Variants in G2E3 observed in about 807,000 individuals in gnomAD.
The protein encoded by G2E3 is G2/M-phase specific E3 ubiquitin protein ligase, also known as G2/M phase-specific E3 ubiquitin-protein ligase.
G2E3 carries 35 observed loss-of-function variants against 92.8 expected under a neutral mutation model. That is an observed-to-expected ratio of 0.38 (90% confidence interval 0.29 to 0.50). The LOEUF is 0.50. G2E3 is among the 20% of genes least tolerant of loss of function. The pLI is 0.94. For missense variants in G2E3, 554 were observed against 823.8 expected (o/e 0.67, Z 4.01); for synonymous variants, 242 against 272.4 (o/e 0.89, Z 1.10).
Position 30,601,848 on chromosome 14 carries a change from G to A in G2E3, c.831G>A (p.Glu277=), listed in dbSNP as rs574903723. Reference sequence around the variant, plus strand: ...CCTGCTCCTCATTACGGTCATGGGAGCAAAATTGGGAGTGTTTGGAATGTA... The same window carrying A: ...CCTGCTCCTCATTACGGTCATGGGAACAAAATTGGGAGTGTTTGGAATGTA... The part of the protein sequence containing the change: ...HLACSSLRSW[E]QNWECLECRG... Residue 277 remains glutamate, a synonymous_variant, in exon 9 of 15, where the codon GAG becomes GAA. Transcript: ENST00000206595. 1 of 1,613,874 alleles carries A rather than the reference G, an allele frequency of 6.2e-7. No homozygotes were observed. The highest frequency in any genetic ancestry group is 1.3e-5 in the African/African-American group (1 of 75,034).
intron 5 of G2E3, 66 bp from the exon 6 acceptor site, chr14:30,593,408 T>C (rs1271987314): frequency 1.2e-5 from 9 of 723,336 alleles, no homozygotes; most frequent in Admixed American, 1.1e-4. Flanking sequence ...TATATGTGAA[T>C]TACAGTGTTT....
In G2E3 at chr14:30,589,336, C is replaced by G. The variant is rs771447296; in HGVS notation, c.136-47C>G. On this transcript the variant is annotated intron_variant, in intron 3 of 14. Coordinates refer to ENST00000206595, the MANE Select transcript of G2E3 (RefSeq NM_017769.5). ...TATGGATATATATTTTTTTAATGCC[C>G]AACTAGTTTCTTAGAGTTTATTTTC... The G allele has an allele frequency of 9.4e-6, 10 of 1,059,862 alleles. No individual in the cohort carries two copies. In the African/African-American group the frequency reaches 1.1e-4, roughly 12 times the overall value. 65.7% of individuals were successfully genotyped at this position (1,059,862 alleles called of 1,614,324 possible).
Position 30,602,039 on chromosome 14 carries a change from T to C in G2E3, c.918T>C (p.Ser306=), listed in dbSNP as rs1881593540. Residue 306 remains serine (S), a synonymous_variant, in exon 10 of 15, where the codon TCT becomes TCC. Transcript: ENST00000206595. ...CCAAAAAACATGTATTACCCAATTC[T>C]AATAATGTGGGGATTACAGATTGTT... ...QKAKKHVLPN[S]NNVGITDCLL... 3.1e-6 allele frequency: 5 copies of C among 1,610,834 alleles called. No homozygotes were observed. Among genetic ancestry groups the C allele is most frequent in the South Asian group, 1.1e-5 (1 of 90,924 alleles).
At chr14:30,610,888 T>C (rs1378907779) in intron 12 of G2E3, among the ~76,000 whole-genome samples, 1 of 152,268 alleles carries the variant, frequency 6.6e-6, no homozygotes, top group African/African-American at 2.4e-5. Flanking sequence ...CATTTGCTAC[T>C]GATCTGACTG....
chr14:30,559,701 G>A (rs1187174207), intron 1 of G2E3: 1 of 152,176 alleles, frequency 6.6e-6, no homozygotes, highest in African/African-American at 2.4e-5. Context: ...GTTGGGGCGG[G>A]TTTAGAATGA....
At chr14:30,573,696 A>G (rs1263889619) in intron 1 of G2E3, 1 of 152,068 alleles carries the variant, frequency 6.6e-6, no homozygotes. Flanking sequence ...TCAGACAGCA[A>G]ATTTAACCTT....
At chr14:30,580,550 TTGA>T (rs1022250757) in intron 1 of G2E3, among the ~76,000 whole-genome samples, 2 of 152,202 alleles carry the variant, frequency 1.3e-5, no homozygotes, top group African/African-American at 4.8e-5. Context: ...GGCATGGCTA[TTGA>T]TGATGTGATT....
Position 30,592,374 on chromosome 14 carries a change from C to A in G2E3, c.289C>A (p.Arg97=). ...NGASIGCVAP[R]CKRSYHFPCG... ...TGCTTCAATTGGATGTGTTGCACCC[C>A]GATGTAAACGAAGTTATCATTTCCC... Residue 97 remains arginine (R), a synonymous_variant, in exon 5 of 15, where the codon CGA becomes AGA. Transcript: ENST00000206595. The A allele has an allele frequency of 6.2e-7, 1 of 1,608,360 alleles. No homozygotes were observed. Among genetic ancestry groups the A allele is most frequent in the Non-Finnish European group, 8.5e-7 (1 of 1,176,884 alleles).
intron 1 of G2E3, among the ~76,000 whole-genome samples, chr14:30,576,179 C>G (rs1880076893): frequency 6.6e-6 from 1 of 152,126 alleles, no homozygotes; most frequent in Non-Finnish European, 1.5e-5. Flanking sequence ...GCACATAGAC[C>G]AGTGGAACAG....
At chr14:30,571,066 G>A (rs188911178) in intron 1 of G2E3, among the ~76,000 whole-genome samples, 30 of 151,782 alleles carry the variant, frequency 2.0e-4, no homozygotes, top group Non-Finnish European at 1.5e-5. Flanking sequence ...TTTCTCCTCT[G>A]TGTTTTTTCT....
intron 1 of G2E3, among the ~76,000 whole-genome samples, chr14:30,563,800 A>G (rs1458077131): frequency 6.7e-6 from 1 of 149,600 alleles, no homozygotes; most frequent in Non-Finnish European, 1.5e-5. Flanking sequence ...ACTCACTGCA[A>G]CCTCCGCCTT....
chr14:30,593,484 T>G lies in G2E3; in HGVS notation c.373T>G (p.Trp125Gly). 2.0e-6 allele frequency: 3 copies of G among 1,505,096 alleles called. No individual in the cohort carries two copies. Among genetic ancestry groups the G allele is most frequent in the Non-Finnish European group, 2.7e-6 (3 of 1,103,868 alleles). 93.2% of individuals were successfully genotyped at this position (1,505,096 alleles called of 1,614,324 possible). The change falls in exon 6 of 15, where the codon TGG (tryptophan) becomes GGG (glycine). Residue 125 changes from tryptophan (W) to glycine (G), a missense_variant. Physicochemically the swap from Trp to Gly is radical, Grantham distance 184. Around this residue, in one of 3 missense-constraint regions of G2E3, gnomAD observed 137 missense variants for 201.3 expected, o/e 0.68. Coordinates refer to ENST00000206595, the MANE Select transcript of G2E3 (RefSeq NM_017769.5). The stretch of plus-strand genomic sequence containing the variant: ...AATTTACATTTTTAGGTCATTTTGT[T>G]GGGACCATCGACCTGTTCAAATAAT... The part of the protein sequence containing the change: ...QFTGNFASFC[W>G]DHRPVQIITS...
chr14:30,569,435 A>G (rs1183213828), intron 1 of G2E3, among the ~76,000 whole-genome samples: 1 of 152,212 alleles, frequency 6.6e-6, no homozygotes, highest in African/African-American at 2.4e-5. Context: ...TCTTTCTGCC[A>G]TGTTCCTCTG....
chr14:30,565,947 A>G (rs572756445), intron 1 of G2E3, among the ~76,000 whole-genome samples: 4 of 152,222 alleles, frequency 2.6e-5, no homozygotes, highest in African/African-American at 9.6e-5. Flanking sequence ...GACGTGAGCC[A>G]CCACACCTGG....
At chr14:30,577,001 C>T (rs914029634) in intron 1 of G2E3, among the ~76,000 whole-genome samples, 12 of 151,738 alleles carry the variant, frequency 7.9e-5, no homozygotes, top group Non-Finnish European at 1.3e-4. Context: ...CAGAGGCAGG[C>T]GGATCATGAG....
chr14:30,592,084 A>G (rs1478007972), intron 4 of G2E3, among the ~76,000 whole-genome samples: 3 of 152,108 alleles, frequency 2.0e-5, no homozygotes, highest in Non-Finnish European at 4.4e-5. Context: ...TCTTATCCAC[A>G]TGTTAGGCTA....
intron 1 of G2E3, among the ~76,000 whole-genome samples, chr14:30,562,608 C>A (rs1156985730): frequency 6.6e-6 from 1 of 151,880 alleles, no homozygotes; most frequent in Non-Finnish European, 1.5e-5. Flanking sequence ...GTCTCCCTTT[C>A]CCCGGGGGAG....
intron 1 of G2E3, among the ~76,000 whole-genome samples, chr14:30,566,268 C>T (rs1879431583): frequency 6.6e-6 from 1 of 152,074 alleles, no homozygotes; most frequent in African/African-American, 2.4e-5. Flanking sequence ...TTAGCTTTTC[C>T]ATTCCTGCAA....
chr14:30,614,325 A>G (rs1882221432), intron 13 of G2E3, among the ~76,000 whole-genome samples: 1 of 152,224 alleles, frequency 6.6e-6, no homozygotes, highest in Admixed American at 6.5e-5. Flanking sequence ...TATTTCTCAC[A>G]GTTCTGGAGG....
Sources: allele counts gnomAD v4.1 joint callset (sites outside exome capture counted in the v4.1 genomes callset), GRCh38; gene constraint gnomAD v4.1.1; regional missense constraint gnomAD v4.1.1; transcripts MANE v1.5; gene names NCBI Gene and HGNC (gene_info 2026-07-23, HGNC 2026-07-21).